MARCHF1: variants seen among roughly 807,000 people sequenced by gnomAD.
MARCHF1 encodes the protein membrane associated ring-CH-type finger 1, also known as E3 ubiquitin-protein ligase MARCHF1.
MARCHF1 carries 40 observed loss-of-function variants against 54.2 expected under a neutral mutation model. The observed-to-expected ratio is 0.74, with a 90% CI of 0.57 to 0.96. The LOEUF is 0.96. Ranked by LOEUF, MARCHF1 falls within the 40% of genes least tolerant of loss-of-function variation. MARCHF1 has a pLI of 0.00. For synonymous variants in MARCHF1, 236 were observed against 236.3 expected (o/e 1.00, Z 0.01); for missense variants, 586 against 656.5 (o/e 0.89, Z 1.17).
intron 1 of MARCHF1, among the ~76,000 whole-genome samples, chr4:164,256,036 A>G (rs1306852059): frequency 6.6e-6 from 1 of 152,120 alleles, no homozygotes; most frequent in Non-Finnish European, 1.5e-5. Flanking sequence ...CACACCTGTC[A>G]TCCTAGAGCT....
chr4:163,792,546 AAC>A (rs1747799817), intron 4 of MARCHF1, among the ~76,000 whole-genome samples: 20 of 152,096 alleles, frequency 1.3e-4, no homozygotes, highest in Admixed American at 1.3e-3. Context: ...ATAGTGACAT[AAC>A]TAAATCTCCA....
chr4:163,853,244 ACTGCTAATAAAT>A (rs1350529463), intron 4 of MARCHF1, among the ~76,000 whole-genome samples: 1 of 152,226 alleles, frequency 6.6e-6, no homozygotes, highest in Non-Finnish European at 1.5e-5. Flanking sequence ...TATATGTTCA[ACTGCTAATAAAT>A]CAGGCTAATC....
intron 1 of MARCHF1, among the ~76,000 whole-genome samples, chr4:164,303,917 C>T (rs895669536): frequency 2.0e-5 from 3 of 152,182 alleles, no homozygotes; most frequent in South Asian, 2.1e-4. Context: ...ATTGGGTAAT[C>T]GACACTCCGA....
rs1364354474 is a variant in MARCHF1 at position 164,355,681 on chromosome 4, T to G, written c.-323+28189A>C. On this transcript the variant is annotated intron_variant, in intron 1 of 9. Coordinates refer to ENST00000514618, the MANE Select transcript of MARCHF1 (RefSeq NM_001394959.1). ...AAAACCCTAGAAGAAAACCTAGGCATTACCATTCAGGACATAGGCATGGGC... is the reference window on the plus strand; with the variant it reads ...AAAACCCTAGAAGAAAACCTAGGCAGTACCATTCAGGACATAGGCATGGGC... Among the ~76,000 whole-genome samples, 4 of 95,544 alleles carry G rather than the reference T, an allele frequency of 4.2e-5. 1 individual carries two copies. The highest frequency in any genetic ancestry group is 6.8e-4 in the East Asian group (2 of 2,962). 62.7% of individuals were successfully genotyped at this position (95,544 alleles called of 152,430 possible). A position where few individuals can be genotyped will look rare whatever the true frequency, so the allele number is the denominator to read the frequency against.
chr4:164,141,144 T>G (rs1313478382), intron 1 of MARCHF1, among the ~76,000 whole-genome samples: 1 of 152,210 alleles, frequency 6.6e-6, no homozygotes, highest in Admixed American at 6.5e-5. Flanking sequence ...TCAGCAGCAC[T>G]TCTCCTGGTT....
chr4:163,736,733 C>G (rs1746044492), intron 4 of MARCHF1, among the ~76,000 whole-genome samples: 1 of 152,052 alleles, frequency 6.6e-6, no homozygotes, highest in Admixed American at 6.5e-5. Context: ...GAAATTGTAT[C>G]ACGTCTAAGA....
intron 2 of MARCHF1, among the ~76,000 whole-genome samples, chr4:164,041,362 G>A (rs1754125810): frequency 6.6e-6 from 1 of 151,986 alleles, no homozygotes; most frequent in Non-Finnish European, 1.5e-5. Context: ...TATAGCATTA[G>A]CATTTCTATC....
chr4:164,240,017 A>G (rs1202866705), intron 1 of MARCHF1, among the ~76,000 whole-genome samples: 2 of 152,220 alleles, frequency 1.3e-5, no homozygotes, highest in African/African-American at 2.4e-5. Flanking sequence ...TAATAATTCA[A>G]TAAATAGTCA....
chr4:164,089,235 T>C (rs1054131694), intron 2 of MARCHF1, among the ~76,000 whole-genome samples: 5 of 152,148 alleles, frequency 3.3e-5, no homozygotes, highest in African/African-American at 9.7e-5. Flanking sequence ...ACATTGAATA[T>C]TGTCATGAAA....
chr4:163,681,029 ATAT>A (rs572931963), intron 5 of MARCHF1, among the ~76,000 whole-genome samples: 180 of 149,818 alleles, frequency 1.2e-3, no homozygotes, highest in Non-Finnish European at 1.1e-3. Context: ...AATATATTAA[ATAT>A]TATTTATATG....
At chr4:164,306,050 A>C (rs1734688470) in intron 1 of MARCHF1, among the ~76,000 whole-genome samples, 1 of 152,114 alleles carries the variant, frequency 6.6e-6, no homozygotes, top group Non-Finnish European at 1.5e-5. Flanking sequence ...CATATGTCTT[A>C]TTTACAAATA....
At chr4:163,603,705 T>A (rs941867829) in intron 7 of MARCHF1, among the ~76,000 whole-genome samples, 1 of 152,146 alleles carries the variant, frequency 6.6e-6, no homozygotes, top group African/African-American at 2.4e-5. Flanking sequence ...TGGAAACTTT[T>A]AAAATCTGTA....
At chr4:164,085,250 C>T (rs1254810586) in intron 2 of MARCHF1, among the ~76,000 whole-genome samples, 1 of 151,738 alleles carries the variant, frequency 6.6e-6, no homozygotes, top group Admixed American at 6.6e-5. Context: ...TCATCTCAAT[C>T]TCAGATATAC....
At chr4:164,101,196 G>A (rs990080746) in intron 2 of MARCHF1, among the ~76,000 whole-genome samples, 5 of 152,196 alleles carry the variant, frequency 3.3e-5, no homozygotes, top group African/African-American at 9.7e-5. Context: ...AGGGGCACCC[G>A]CCATTGCCCA....
intron 4 of MARCHF1, among the ~76,000 whole-genome samples, chr4:163,850,877 G>A (rs894933654): frequency 2.6e-5 from 4 of 152,162 alleles, no homozygotes; most frequent in Non-Finnish European, 2.9e-5. Context: ...AGGCAGATAC[G>A]TAGAGAAACA....
intron 5 of MARCHF1, among the ~76,000 whole-genome samples, chr4:163,628,601 T>C (rs1741956898): frequency 6.6e-6 from 1 of 152,164 alleles, no homozygotes; most frequent in Non-Finnish European, 1.5e-5. Context: ...AGAGAGGAAG[T>C]CAAATTGTCT....
chr4:164,184,472 A>G (rs1730914430), intron 1 of MARCHF1, among the ~76,000 whole-genome samples: 1 of 152,236 alleles, frequency 6.6e-6, no homozygotes, highest in South Asian at 2.1e-4. Flanking sequence ...CCATTGTTAC[A>G]TACACAAAAC....
chr4:163,967,804 G>A (rs1752473630), intron 3 of MARCHF1, among the ~76,000 whole-genome samples: 1 of 152,078 alleles, frequency 6.6e-6, no homozygotes, highest in South Asian at 2.1e-4. Flanking sequence ...CAGGCTCGAG[G>A]CCCAGGAGAG....
In MARCHF1 at chr4:164,156,395, G is replaced by A. The variant is rs558244169; in HGVS notation, c.-322-44733C>T. On this transcript the variant is annotated intron_variant, in intron 1 of 9. Coordinates refer to ENST00000514618, the MANE Select transcript of MARCHF1 (RefSeq NM_001394959.1). Reference sequence around the variant, plus strand: ...GAGGAATGGAGTCCATAGAGAAATGGGGAAGAGAAAACTCAAATTCTTGTG... The same window carrying A: ...GAGGAATGGAGTCCATAGAGAAATGAGGAAGAGAAAACTCAAATTCTTGTG... Among the ~76,000 whole-genome samples, 57 of 151,892 alleles carry A rather than the reference G, an allele frequency of 3.8e-4. 2 individuals carry two copies. In the South Asian group the frequency reaches 0.012, roughly 31 times the overall value.
Sources: gnomAD v4.1 joint callset for allele counts (sites outside exome capture counted in the v4.1 genomes callset) on GRCh38, gnomAD v4.1.1 for gene constraint, MANE v1.5 for transcripts, NCBI Gene and HGNC (gene_info 2026-07-23, HGNC 2026-07-21) for gene names.